PRSS36: variants seen among roughly 807,000 people sequenced by gnomAD.
The protein encoded by PRSS36 is serine protease 36.
In PRSS36, 90 loss-of-function variants were observed where a neutral mutation model predicts 94.3. The observed-to-expected ratio is 0.95, with a 90% CI of 0.80 to 1.14. The LOEUF is 1.14. Among genes scored for constraint, PRSS36 ranks in the 50% most tolerant of loss-of-function variants. The pLI is 0.00. For missense variants in PRSS36, 1,158 were observed against 1,135.0 expected (o/e 1.02, Z -0.29); for synonymous variants, 500 against 489.6 (o/e 1.02, Z -0.28).
chr16:31,143,079 G>A, intron 8 of PRSS36, 86 bp from the exon 9 acceptor site: 1 of 1,382,430 alleles, frequency 7.2e-7, no homozygotes, highest in Non-Finnish European at 9.3e-7. Flanking sequence ...TGCCAGGCGA[G>A]GATCCTGCAT....
chr16:31,140,622 G>C lies in PRSS36; in HGVS notation c.2037C>G (p.Pro679=), dbSNP rs756302398. 1.2e-6 allele frequency: 2 copies of C among 1,612,428 alleles called. No individual in the cohort carries two copies. Among genetic ancestry groups the C allele is most frequent in the Admixed American group, 1.7e-5 (1 of 59,806 alleles). The part of the protein sequence containing the change: ...RLPQHLGLRP[P]LALLELSSRV... The stretch of plus-strand genomic sequence containing the variant: ...GGGAGCTCAGCTCCAGGAGGGCCAG[G>C]GGGGGCCTGAGTCCCAGGTGCTGGG... Residue 679 remains proline, a synonymous_variant, in exon 13 of 15, where the codon CCC becomes CCG. Transcript: ENST00000268281.
Position 31,148,551 on chromosome 16 carries a change from GGC to G in PRSS36, c.395_396del (p.Ser132ThrfsTer110), listed in dbSNP as rs2057836130. On this transcript the variant is annotated frameshift_variant, in exon 5 of 15. Coordinates refer to ENST00000268281, the MANE Select transcript of PRSS36 (RefSeq NM_173502.5). LOFTEE classifies it high-confidence loss of function. Reference sequence around the variant, plus strand: ...GCCAGGTCGGCGCCCAGCTCCACTTGGCTGTAGTTGGCCGGCACCACGATGGC... The same window carrying G: ...GCCAGGTCGGCGCCCAGCTCCACTTGTGTAGTTGGCCGGCACCACGATGGC... ...VAAIVVPANY[S>X]QVELGADLAL... 1.9e-6 allele frequency: 3 copies of G among 1,606,542 alleles called. No individual in the cohort carries two copies. The highest frequency in any genetic ancestry group is 2.5e-6 in the Non-Finnish European group (3 of 1,178,076).
Position 31,149,243 on chromosome 16 carries a change from G to T in PRSS36, c.110-8C>A. ...GCTCAGGGCGCCCGCAGTCTGCAAC[G>T]GGGAGCCGTGGAAGCCAAAGCTCCC... On this transcript the variant is annotated splice_polypyrimidine_tract_variant and splice_region_variant and intron_variant, in intron 3 of 14. Transcript: ENST00000268281. 6.5e-7 allele frequency: 1 copy of T among 1,545,330 alleles called. No homozygotes were observed. The highest frequency in any genetic ancestry group is 2.4e-5 in the East Asian group (1 of 41,584).
chr16:31,145,018 C>T (rs1398227572), intron 6 of PRSS36, among the ~76,000 whole-genome samples: 1 of 151,742 alleles, frequency 6.6e-6, no homozygotes, highest in Non-Finnish European at 1.5e-5. Context: ...ACCCGGGAGG[C>T]AGAGGTTGTG....
chr16:31,143,238 C>T, intron 8 of PRSS36, 104 bp downstream of exon 8: 5 of 1,495,206 alleles, frequency 3.3e-6, no homozygotes, highest in Non-Finnish European at 4.5e-6. Flanking sequence ...CGAATGGGAC[C>T]CCGCCCCCCC....
chr16:31,142,712 G>A (rs1290600842), intron 9 of PRSS36, 25 bp downstream of exon 9: 3 of 1,341,736 alleles, frequency 2.2e-6, no homozygotes, highest in African/African-American at 1.5e-5. Flanking sequence ...GGTGCCGCCC[G>A]GCCCAGCGCC....
In PRSS36 at chr16:31,142,536, G is replaced by A. The variant is rs1285823399; in HGVS notation, c.1466C>T (p.Pro489Leu). The A allele has an allele frequency of 1.3e-6, 2 of 1,516,316 alleles. No homozygotes were observed. Among genetic ancestry groups the A allele is most frequent in the South Asian group, 2.4e-5 (2 of 81,994 alleles). The allele number at this position is 1,516,316 out of a possible 1,614,324, so 93.9% of individuals were successfully genotyped here. ...GTAGGCAGGGCAGAGCGCGTGCGGC[G>A]GGTCTCCGGGCAGCGGTACTGCCGC... ...QGAAVPLPGDPPHALCPAYQE... is the reference protein window; with the variant it reads ...QGAAVPLPGDLPHALCPAYQE... The change falls in exon 10 of 15, where the codon CCG becomes CTG. Residue 489 changes from proline to leucine, a missense_variant. Physicochemically the swap from Pro to Leu is moderately conservative, Grantham distance 98. Transcript: ENST00000268281.
rs760994047 is a variant in PRSS36 at position 31,141,431 on chromosome 16, C to T, written c.1901+38G>A. ...AAGTCTTTGGCTCTGTTCCATTCTC[C>T]CCTCCCGTCTCTCGCCTAGGAGACG... On this transcript the variant is annotated intron_variant, in intron 12 of 14. Coordinates refer to ENST00000268281, the MANE Select transcript of PRSS36 (RefSeq NM_173502.5). 9.6e-6 allele frequency: 15 copies of T among 1,562,256 alleles called. No homozygotes were observed. In the South Asian group the frequency reaches 1.4e-4, roughly 14 times the overall value.
chr16:31,143,080 G>T, intron 8 of PRSS36, 87 bp from the exon 9 acceptor site: 1 of 1,381,424 alleles, frequency 7.2e-7, no homozygotes, highest in Non-Finnish European at 9.4e-7. Context: ...GCCAGGCGAG[G>T]ATCCTGCATC....
rs1299212649 is a variant in PRSS36 at position 31,145,811 on chromosome 16, T to C, written c.698A>G (p.Glu233Gly). 6.2e-7 allele frequency: 1 copy of C among 1,613,810 alleles called. No homozygotes were observed. Among genetic ancestry groups the C allele is most frequent in the South Asian group, 1.1e-5 (1 of 91,080 alleles). Residue 233 changes from glutamate (E) to glycine (G), a missense_variant, in exon 6 of 15, where the codon GAG (glutamate) becomes GGG (glycine). Physicochemically the swap from Glu to Gly is moderately conservative, Grantham distance 98. Coordinates refer to ENST00000268281, the MANE Select transcript of PRSS36 (RefSeq NM_173502.5). Reference sequence around the variant, plus strand: ...CACCTGGCAGGTGTCCCTGCGGCCCTCTGGGTAGCCAGCACACAGCATCCC... The same window carrying C: ...CACCTGGCAGGTGTCCCTGCGGCCCCCTGGGTAGCCAGCACACAGCATCCC... ...LPGMLCAGYP[E>G]GRRDTCQGDS...
chr16:31,149,925 A>G, intron 1 of PRSS36, 74 bp downstream of exon 1: 2 of 1,578,802 alleles, frequency 1.3e-6, no homozygotes, highest in Non-Finnish European at 1.7e-6. Context: ...CACAGAAACC[A>G]GGAATCCTGC....
rs1567453968 is a variant in PRSS36 at position 31,148,112 on chromosome 16, C to T, written c.553+283G>A. On this transcript the variant is annotated intron_variant, in intron 5 of 14. Transcript: ENST00000268281. Reference sequence around the variant, plus strand: ...ACATGTTAGAGCTGGGATGGGAACCCTAGTCGGAGCCTAAACCCAGGAAAG... The same window carrying T: ...ACATGTTAGAGCTGGGATGGGAACCTTAGTCGGAGCCTAAACCCAGGAAAG... 1.3e-5 allele frequency among the ~76,000 whole-genome samples: 2 copies of T among 152,042 alleles called. 1 individual carries two copies. Among genetic ancestry groups the T allele is most frequent in the Admixed American group, 1.3e-4 (2 of 15,264 alleles).
At chr16:31,145,666 C>T in intron 6 of PRSS36, 123 bp downstream of exon 6, 8 of 983,454 alleles carry the variant, frequency 8.1e-6, no homozygotes, top group Non-Finnish European at 1.2e-5. Context: ...AACTTCACGT[C>T]AACCCCATCC....
In PRSS36 at chr16:31,143,982, C is replaced by T. The variant is rs1243807388; in HGVS notation, c.721-145G>A. ...TAGGCCTTGTCCTCTGCATTCCCTG[C>T]GGCTCTAAACAGAAGAAATCCCTGT... On this transcript the variant is annotated intron_variant, in intron 6 of 14. Coordinates refer to ENST00000268281, the MANE Select transcript of PRSS36 (RefSeq NM_173502.5). 17 of 1,013,010 alleles carry T rather than the reference C, an allele frequency of 1.7e-5. No homozygotes were observed. In the East Asian group the frequency reaches 1.8e-4, roughly 11 times the overall value. The allele number at this position is 1,013,010 out of a possible 1,614,324, so 62.8% of individuals were successfully genotyped here.
rs777060253 is a variant in PRSS36 at position 31,148,374 on chromosome 16, C to G, written c.553+21G>C. The G allele has an allele frequency of 6.5e-6, 10 of 1,542,112 alleles. No individual in the cohort carries two copies. In the East Asian group the frequency reaches 1.2e-4, roughly 18 times the overall value. ...AGCCCCACCTCCCCGAGGCCCTCCC[C>G]TCTTGTCCCGTCCCACTCACCTGCC... On this transcript the variant is annotated intron_variant, in intron 5 of 14. Coordinates refer to ENST00000268281, the MANE Select transcript of PRSS36 (RefSeq NM_173502.5).
intron 6 of PRSS36, among the ~76,000 whole-genome samples, chr16:31,145,552 C>T (rs961223745): frequency 2.1e-4 from 32 of 150,606 alleles, no homozygotes; most frequent in Admixed American, 3.3e-4. Flanking sequence ...GTCGCTTGAG[C>T]GGTGGGGGTG....
intron 6 of PRSS36, among the ~76,000 whole-genome samples, chr16:31,144,455 G>A (rs1017047116): frequency 2.0e-5 from 3 of 152,112 alleles, no homozygotes; most frequent in Non-Finnish European, 4.4e-5. Flanking sequence ...GATTACAGGC[G>A]TGAGCCATTG....
At chr16:31,149,266 C>T (rs781451338) in intron 3 of PRSS36, 31 bp from the exon 4 acceptor site, 16 of 1,531,080 alleles carry the variant, frequency 1.0e-5, no homozygotes, top group South Asian at 3.7e-5. Context: ...AGCCAAAGCT[C>T]CCCTCGGGTT....
At chr16:31,139,885 A>G (rs974511059) in intron 14 of PRSS36, among the ~76,000 whole-genome samples, 6 of 143,850 alleles carry the variant, frequency 4.2e-5, no homozygotes, top group African/African-American at 1.6e-4. Flanking sequence ...GTCTCAAAAA[A>G]AAAAAAAAAA....
Sources: allele counts gnomAD v4.1 joint callset (sites outside exome capture counted in the v4.1 genomes callset), GRCh38; gene constraint gnomAD v4.1.1; transcripts MANE v1.5; gene names NCBI Gene and HGNC (gene_info 2026-07-23, HGNC 2026-07-21).